LRRC28: variants seen among roughly 807,000 people sequenced by gnomAD.
The protein encoded by LRRC28 is leucine-rich repeat-containing protein 28.
LRRC28 carries 39 observed loss-of-function variants against 45.7 expected under a neutral mutation model. The observed-to-expected ratio is 0.85, with a 90% CI of 0.66 to 1.12. The LOEUF is 1.12. LRRC28 is among the 50% of genes most tolerant of loss of function. The pLI is 0.00. For missense variants in LRRC28, 435 were observed against 438.5 expected (o/e 0.99, Z 0.07); for synonymous variants, 206 against 178.8 (o/e 1.15, Z -1.22).
chr15:99,268,909 C>T (rs771936411), intron 2 of LRRC28, among the ~76,000 whole-genome samples: 1 of 152,022 alleles, frequency 6.6e-6, no homozygotes, highest in Non-Finnish European at 1.5e-5. Context: ...CCCTTGTTTC[C>T]GACATTTACA....
intron 2 of LRRC28, among the ~76,000 whole-genome samples, chr15:99,272,593 A>G (rs2081510892): frequency 6.6e-6 from 1 of 152,242 alleles, no homozygotes; most frequent in South Asian, 2.1e-4. Flanking sequence ...CTAAAAGAAT[A>G]TGGTAAAGCA....
At chr15:99,260,852 T>C (rs544464432) in intron 2 of LRRC28, among the ~76,000 whole-genome samples, 3 of 152,236 alleles carry the variant, frequency 2.0e-5, no homozygotes, top group Non-Finnish European at 2.9e-5. Flanking sequence ...CTTTTACTTA[T>C]GGATTTTAAA....
intron 2 of LRRC28, among the ~76,000 whole-genome samples, chr15:99,275,586 A>AT (rs1284316350): frequency 6.6e-6 from 1 of 152,188 alleles, no homozygotes; most frequent in Non-Finnish European, 1.5e-5. Context: ...GGTAACTTAA[A>AT]ACAACAAAAA....
intron 5 of LRRC28, among the ~76,000 whole-genome samples, chr15:99,298,253 G>T (rs2082315592): frequency 1.3e-5 from 2 of 152,168 alleles, no homozygotes; most frequent in South Asian, 4.1e-4. Context: ...TGACAGCATG[G>T]TGTATTATAG....
chr15:99,287,146 A>C lies in LRRC28; in HGVS notation c.210-111A>C, dbSNP rs2081978978. The C allele has an allele frequency of 7.1e-6, 6 of 844,252 alleles. No individual in the cohort carries two copies. The South Asian group carries it at 1.1e-4, about 16-fold the overall frequency. 52.3% of individuals were successfully genotyped at this position (844,252 alleles called of 1,614,324 possible). ...GTTGATGCATTAGAGTAGGGTGCAA[A>C]AGTTGTGGCCTATTTATATTTGATA... On this transcript the variant is annotated intron_variant, in intron 3 of 9. Transcript: ENST00000301981.
At chr15:99,367,238 CAG>C (rs1440185529) in intron 9 of LRRC28, among the ~76,000 whole-genome samples, 1 of 152,208 alleles carries the variant, frequency 6.6e-6, no homozygotes, top group Non-Finnish European at 1.5e-5. Context: ...GAGTGGCTCA[CAG>C]AGCTCATGGA....
chr15:99,333,699 C>T (rs1333095446), intron 5 of LRRC28: 3 of 579,694 alleles, frequency 5.2e-6, no homozygotes, highest in Non-Finnish European at 9.2e-6. Flanking sequence ...CCATGCTACC[C>T]AGCCCTTTTC....
intron 9 of LRRC28, among the ~76,000 whole-genome samples, chr15:99,379,565 T>G (rs1166940471): frequency 6.6e-6 from 1 of 152,206 alleles, no homozygotes; most frequent in African/African-American, 2.4e-5. Flanking sequence ...ATCTTAGTTA[T>G]TTCTTGGCTT....
intron 6 of LRRC28, among the ~76,000 whole-genome samples, chr15:99,344,499 A>G (rs917557209): frequency 7.2e-5 from 11 of 152,224 alleles, no homozygotes; most frequent in Non-Finnish European, 1.2e-4. Flanking sequence ...AACAGAGCAG[A>G]TACTGATTTT....
intron 5 of LRRC28, among the ~76,000 whole-genome samples, chr15:99,296,808 T>G (rs960611668): frequency 6.6e-6 from 1 of 152,206 alleles, no homozygotes; most frequent in Non-Finnish European, 1.5e-5. Flanking sequence ...TAATATTTTA[T>G]TGTCTAATAT....
intron 6 of LRRC28, among the ~76,000 whole-genome samples, chr15:99,349,405 A>G (rs1956800487): frequency 6.6e-6 from 1 of 152,218 alleles, no homozygotes; most frequent in Non-Finnish European, 1.5e-5. Flanking sequence ...TTTATGCCAT[A>G]TATAAGAATA....
rs1161299012 is a variant in LRRC28, at chr15:99,276,580, A to G, written c.173A>G (p.Glu58Gly). 2.6e-6 allele frequency: 4 copies of G among 1,534,656 alleles called. No individual in the cohort carries two copies. The highest frequency in any genetic ancestry group is 3.5e-6 in the Non-Finnish European group (4 of 1,149,078). The change falls in exon 3 of 10, where the codon GAA (glutamate) becomes GGA (glycine). Residue 58 changes from glutamate (E) to glycine (G), a missense_variant. Glu to Gly is a moderately conservative substitution (Grantham distance 98). Coordinates refer to ENST00000301981, the MANE Select transcript of LRRC28 (RefSeq NM_144598.5). ...TTCTGAGTTTTTAATTTTCAGCCAG[A>G]AAACCTTGCTCAGAAGCTTCCAAAC... ...MKRNSLTSLP[E>G]NLAQKLPNLV... is the part of the protein sequence containing the mutation.
intron 9 of LRRC28, among the ~76,000 whole-genome samples, chr15:99,376,316 A>G (rs1957631467): frequency 6.6e-6 from 1 of 152,030 alleles, no homozygotes; most frequent in Non-Finnish European, 1.5e-5. Flanking sequence ...ATTGGTTTCT[A>G]GTTTGATTCT....
intron 5 of LRRC28, among the ~76,000 whole-genome samples, chr15:99,292,326 G>A (rs1285115048): frequency 6.7e-6 from 1 of 150,306 alleles, no homozygotes; most frequent in South Asian, 2.1e-4. Flanking sequence ...GTGTGTGTCT[G>A]TGTTGAGCAG....
In LRRC28 at chr15:99,387,713, A is replaced by T. The variant is rs1958067820; in HGVS notation, c.*1611A>T. ...TTTTAAAATGTTTTTTAATGATGTAAGTTTTCTAAAAGGCAGGGCTGAATG... is the reference window on the plus strand; with the variant it reads ...TTTTAAAATGTTTTTTAATGATGTATGTTTTCTAAAAGGCAGGGCTGAATG... On this transcript the variant is annotated 3_prime_UTR_variant, in exon 10 of 10. Transcript: ENST00000301981. 6.6e-6 allele frequency: 1 copy of T among 152,082 alleles called. No homozygotes were observed. Among genetic ancestry groups the T allele is most frequent in the Non-Finnish European group, 1.5e-5 (1 of 68,022 alleles). 9.4% of individuals were successfully genotyped at this position (152,082 alleles called of 1,614,324 possible).
At chr15:99,292,931 T>C (rs571622713) in intron 5 of LRRC28, among the ~76,000 whole-genome samples, 1 of 152,352 alleles carries the variant, frequency 6.6e-6, no homozygotes, top group South Asian at 2.1e-4. Context: ...GTGAGAGTGA[T>C]GATCTCTTTG....
chr15:99,333,878 A>G (rs941010088), intron 5 of LRRC28, 45 bp from the exon 6 acceptor site: 4 of 1,579,890 alleles, frequency 2.5e-6, no homozygotes, highest in African/African-American at 1.3e-5. Flanking sequence ...TGTTTATTTC[A>G]GTTCATAAGG....
At chr15:99,258,875 G>T (rs1477539457) in intron 2 of LRRC28, 6 of 708,032 alleles carry the variant, frequency 8.5e-6, no homozygotes, top group South Asian at 2.8e-5. Context: ...CATCACAGAT[G>T]ACTTCCGTGA....
At chr15:99,320,375 C>G (rs1955753258) in intron 5 of LRRC28, among the ~76,000 whole-genome samples, 1 of 152,048 alleles carries the variant, frequency 6.6e-6, no homozygotes, top group African/African-American at 2.4e-5. Context: ...ATAATATGGA[C>G]AGTTGTGTCC....
Sources: gnomAD v4.1 joint callset for allele counts (sites outside exome capture counted in the v4.1 genomes callset) on GRCh38, gnomAD v4.1.1 for gene constraint, MANE v1.5 for transcripts, NCBI Gene and HGNC (gene_info 2026-07-23, HGNC 2026-07-21) for gene names.